PRKAG2: variants seen among roughly 807,000 people sequenced by gnomAD.
PRKAG2 encodes the protein 5'-AMP-activated protein kinase subunit gamma-2.
In PRKAG2, 26 loss-of-function variants were observed where a neutral mutation model predicts 69.6. The ratio of observed to expected loss-of-function variants is 0.37; its 90% CI spans 0.27 to 0.52. The LOEUF (loss-of-function observed/expected upper bound fraction) is 0.52. Ranked by LOEUF, PRKAG2 falls within the 20% of genes least tolerant of loss-of-function variation. PRKAG2 has a pLI of 0.90. For synonymous variants in PRKAG2, 293 were observed against 285.0 expected (o/e 1.03, Z -0.28); for missense variants, 557 against 740.0 (o/e 0.75, Z 2.87).
intron 10 of PRKAG2, among the ~76,000 whole-genome samples, chr7:151,569,562 ACTG>A (rs1563154262): frequency 6.6e-6 from 1 of 152,212 alleles, no homozygotes; most frequent in Non-Finnish European, 1.5e-5. Flanking sequence ...CTCTCCTGGG[ACTG>A]CCAGTAAGAA....
At chr7:151,572,568 G>T (rs1584978956) in intron 9 of PRKAG2, 96 bp downstream of exon 9, 3 of 875,920 alleles carry the variant, frequency 3.4e-6, no homozygotes, top group Non-Finnish European at 5.7e-6. Flanking sequence ...ATTTTATGGA[G>T]CAGAGAGAAA....
chr7:151,675,768 G>A (rs374477854), intron 3 of PRKAG2, 131 bp from the exon 4 acceptor site: 21 of 875,724 alleles, frequency 2.4e-5, no homozygotes, highest in African/African-American at 1.2e-4. Flanking sequence ...AAGGGACGTC[G>A]GGGGCAGTCA....
At chr7:151,769,791 C>T (rs1235001033) in intron 3 of PRKAG2, among the ~76,000 whole-genome samples, 1 of 152,180 alleles carries the variant, frequency 6.6e-6, no homozygotes, top group Non-Finnish European at 1.5e-5. Context: ...GCTTGCGGGG[C>T]TGGGGTGCTG....
At chr7:151,678,320 T>C (rs1833282098) in intron 3 of PRKAG2, among the ~76,000 whole-genome samples, 1 of 152,096 alleles carries the variant, frequency 6.6e-6, no homozygotes, top group Admixed American at 6.5e-5. Flanking sequence ...GGGCACCCAG[T>C]GCTGTCCTGA....
rs1270245856 is a variant in PRKAG2 at position 151,850,159 on chromosome 7, T to C, written c.114+26348A>G. 6.6e-6 allele frequency among the ~76,000 whole-genome samples: 1 copy of C among 151,234 alleles called. No individual in the cohort carries two copies. On this transcript the variant is annotated intron_variant, in intron 1 of 15. Coordinates refer to ENST00000287878, the MANE Select transcript of PRKAG2 (RefSeq NM_016203.4). This position sits in a 1 kb window ranked among gnomAD's most constrained non-coding sequence, Gnocchi z 4.1. ...TCTGCAGAAAGAAGCGGGAGGGGGG[T>C]GCAGGGGAACCGTAGCACCAATTAC...
chr7:151,689,948 C>T (rs930166368), intron 3 of PRKAG2, among the ~76,000 whole-genome samples: 1 of 152,110 alleles, frequency 6.6e-6, no homozygotes, highest in Non-Finnish European at 1.5e-5. Flanking sequence ...TGTCTGCCTC[C>T]AGTGATTAAT....
Position 151,781,159 on chromosome 7 carries a change from G to C in PRKAG2, c.459C>G (p.Ser153=). ...ATAGCATCAAGGTCTTACTTTTTCT[G>C]GAGCGGGAGAAAAACCTGATGCCCC... ...SPGGIRFFSR[S]RKTSGLSSSP... is the part of the protein sequence containing the mutation. Residue 153 remains serine (S), a synonymous_variant, in exon 3 of 16, where the codon TCC becomes TCG. Transcript: ENST00000287878. This position sits in a 1 kb window ranked among gnomAD's most constrained non-coding sequence, Gnocchi z 6.1. 6.2e-7 allele frequency: 1 copy of C among 1,613,928 alleles called. No homozygotes were observed. Among genetic ancestry groups the C allele is most frequent in the Non-Finnish European group, 8.5e-7 (1 of 1,180,014 alleles).
At chr7:151,845,823 C>G (rs1003509977) in intron 1 of PRKAG2, among the ~76,000 whole-genome samples, 1 of 152,216 alleles carries the variant, frequency 6.6e-6, no homozygotes, top group Non-Finnish European at 1.5e-5. Context: ...CCCAGCTCAT[C>G]GGAGCCACCA....
chr7:151,604,974 A>T (rs1817165094), intron 5 of PRKAG2, among the ~76,000 whole-genome samples: 1 of 152,182 alleles, frequency 6.6e-6, no homozygotes, highest in Non-Finnish European at 1.5e-5. Context: ...ATTTTTTAAA[A>T]ATATAAAGCA....
chr7:151,784,989 C>T (rs889612370), intron 2 of PRKAG2, among the ~76,000 whole-genome samples: 1 of 152,268 alleles, frequency 6.6e-6, no homozygotes, highest in African/African-American at 2.4e-5. Context: ...GTGCAGATAA[C>T]AGGCGCCAGC....
chr7:151,722,827 C>T (rs1451638489), intron 3 of PRKAG2, among the ~76,000 whole-genome samples: 1 of 152,120 alleles, frequency 6.6e-6, no homozygotes, highest in Non-Finnish European at 1.5e-5. Flanking sequence ...TAGGCACAGG[C>T]CCGGCAGGTC....
At chr7:151,654,624 A>G (rs1829119986) in intron 4 of PRKAG2, among the ~76,000 whole-genome samples, 1 of 152,196 alleles carries the variant, frequency 6.6e-6, no homozygotes, top group Non-Finnish European at 1.5e-5. Context: ...GATATTGGAG[A>G]AAGTGCCAGA....
intron 3 of PRKAG2, among the ~76,000 whole-genome samples, chr7:151,701,337 C>T (rs572359315): frequency 7.7e-4 from 117 of 152,264 alleles, no homozygotes; most frequent in African/African-American, 2.7e-3. Context: ...AATGTGTCTC[C>T]CCAAAAAGAT....
chr7:151,874,771 C>T (rs1023253382), intron 1 of PRKAG2, among the ~76,000 whole-genome samples: 2 of 151,992 alleles, frequency 1.3e-5, no homozygotes, highest in African/African-American at 4.8e-5. Context: ...GCCTGTAGTC[C>T]CAGTTACTCA....
intron 4 of PRKAG2, among the ~76,000 whole-genome samples, chr7:151,651,981 C>T (rs752432444): frequency 6.6e-6 from 1 of 152,140 alleles, no homozygotes; most frequent in Non-Finnish European, 1.5e-5. Context: ...TCTGATGTAT[C>T]GCACAGCACT....
chr7:151,841,881 AGTAGTGATGGTAGGTAGTGATGATG>A (rs1481367878), intron 1 of PRKAG2, among the ~76,000 whole-genome samples: 6 of 121,852 alleles, frequency 4.9e-5, no homozygotes, highest in East Asian at 5.5e-4. Flanking sequence ...TGGTAGTGAT[AGTAGTGATGGTAGGTAGTGATGATG>A]GTAGTGATGG....
intron 5 of PRKAG2, among the ~76,000 whole-genome samples, chr7:151,601,768 C>T (rs1411234770): frequency 6.6e-6 from 1 of 152,164 alleles, no homozygotes; most frequent in Non-Finnish European, 1.5e-5. Context: ...GTGAGGCACC[C>T]GCAGCATCCA....
chr7:151,639,534 A>C (rs1476757215), intron 4 of PRKAG2, among the ~76,000 whole-genome samples: 1 of 152,174 alleles, frequency 6.6e-6, no homozygotes, highest in Non-Finnish European at 1.5e-5. Context: ...GCGCCATCTA[A>C]TTAGCTGGGG....
chr7:151,823,880 G>A lies in PRKAG2; in HGVS notation c.115-37339C>T, dbSNP rs76871303. On this transcript the variant is annotated intron_variant, in intron 1 of 15. Transcript: ENST00000287878. Reference sequence around the variant, plus strand: ...AACTAGATCCCAATTAAGAACTACTGAATCAAAATTGCTGGGGCTGAGAAC... The same window carrying A: ...AACTAGATCCCAATTAAGAACTACTAAATCAAAATTGCTGGGGCTGAGAAC... Among the ~76,000 whole-genome samples the A allele has an allele frequency of 3.6e-3, 550 of 152,276 alleles. 6 individuals carry two copies. The highest frequency in any genetic ancestry group is 0.013 in the African/African-American group (532 of 41,570).
Sources: gnomAD v4.1 joint callset for allele counts (sites outside exome capture counted in the v4.1 genomes callset) on GRCh38, gnomAD v4.1.1 for gene constraint, Gnocchi (gnomAD v3.1) non-coding constraint, MANE v1.5 for transcripts, NCBI Gene and HGNC (gene_info 2026-07-23, HGNC 2026-07-21) for gene names.